Variants in PRKCB observed in about 807,000 individuals in gnomAD.
PRKCB encodes the protein protein kinase C beta.
In PRKCB, 13 loss-of-function variants were observed where a neutral mutation model predicts 81.5. That is an observed-to-expected ratio of 0.16 (90% CI 0.10 to 0.25). The LOEUF (loss-of-function observed/expected upper bound fraction) is 0.25, where lower values mean the gene tolerates loss of function less well. PRKCB is among the 10% of genes least tolerant of loss of function. PRKCB has a pLI of 1.00. For missense variants in PRKCB, 509 were observed against 875.7 expected (o/e 0.58, Z 5.29); for synonymous variants, 335 against 321.4 (o/e 1.04, Z -0.45).
At chr16:23,946,952 CTTAAGCGA>C (rs1295978012) in intron 2 of PRKCB, among the ~76,000 whole-genome samples, 1 of 151,872 alleles carries the variant, frequency 6.6e-6, no homozygotes, top group Non-Finnish European at 1.5e-5. Context: ...ACCTTCTAGG[CTTAAGCGA>C]TTCTCTTGCC....
chr16:24,207,540 T>C (rs1374632511), intron 16 of PRKCB, among the ~76,000 whole-genome samples: 2 of 152,256 alleles, frequency 1.3e-5, no homozygotes, highest in Admixed American at 6.5e-5. Context: ...CTGTTAGTAA[T>C]TATATAACTA....
chr16:23,875,348 C>G (rs1190989347), intron 2 of PRKCB, among the ~76,000 whole-genome samples: 1 of 151,804 alleles, frequency 6.6e-6, no homozygotes, highest in Non-Finnish European at 1.5e-5. Context: ...CTCTCTGTGT[C>G]TTATGATAAA....
At chr16:23,905,967 G>A (rs1052529222) in intron 2 of PRKCB, among the ~76,000 whole-genome samples, 8 of 152,120 alleles carry the variant, frequency 5.3e-5, no homozygotes, top group Non-Finnish European at 1.2e-4. Flanking sequence ...CCTGATGATC[G>A]ACATTGGTGC....
intron 2 of PRKCB, among the ~76,000 whole-genome samples, chr16:23,904,264 T>C (rs1204396476): frequency 6.6e-6 from 1 of 152,178 alleles, no homozygotes; most frequent in Non-Finnish European, 1.5e-5. Context: ...CTGCTAATTG[T>C]CAAGCCACTC....
Position 24,165,883 on chromosome 16 carries a change from CTTTTTTT to C in PRKCB, c.1240-6370_1240-6364del, listed in dbSNP as rs71154285. 3.6e-3 allele frequency among the ~76,000 whole-genome samples: 338 copies of C among 94,006 alleles called. 2 individuals carry two copies. The highest frequency in any genetic ancestry group is 5.3e-3 in the Non-Finnish European group (246 of 46,348). 61.7% of individuals were successfully genotyped at this position (94,006 alleles called of 152,430 possible). On this transcript the variant is annotated intron_variant, in intron 10 of 16. Coordinates refer to ENST00000643927, the MANE Select transcript of PRKCB (RefSeq NM_002738.7). ...AAAGATTTTTTTCTTTTCTTTCTTT[CTTTTTTT>C]TTTTTTTTTTTTTTTTGACACAGGG... is the stretch of plus-strand genomic sequence containing the variant.
At chr16:24,139,821 G>C (rs572445552) in intron 9 of PRKCB, among the ~76,000 whole-genome samples, 1 of 152,172 alleles carries the variant, frequency 6.6e-6, no homozygotes, top group Non-Finnish European at 1.5e-5. Flanking sequence ...TGTATCATCC[G>C]AGTTGATCTA....
intron 2 of PRKCB, among the ~76,000 whole-genome samples, chr16:23,865,092 G>A (rs955190461): frequency 6.6e-6 from 1 of 152,206 alleles, no homozygotes; most frequent in Middle Eastern, 3.4e-3. Context: ...AAATGACCAA[G>A]CTGACATTAT....
intron 2 of PRKCB, among the ~76,000 whole-genome samples, chr16:23,861,398 C>T (rs1962661639): frequency 6.6e-6 from 1 of 152,102 alleles, no homozygotes; most frequent in East Asian, 1.9e-4. Flanking sequence ...TGAATTTGGG[C>T]TCAAGCAATC....
Position 24,218,006 on chromosome 16 carries a change from G to A in PRKCB, c.*3190G>A, listed in dbSNP as rs1238256455. ...ATTATAAGTTGCAAAAAGGATAGAGGCATATCCCAAGTCTTCCTTCATTCC... is the reference window on the plus strand; with the variant it reads ...ATTATAAGTTGCAAAAAGGATAGAGACATATCCCAAGTCTTCCTTCATTCC... On this transcript the variant is annotated 3_prime_UTR_variant, in exon 17 of 17. Coordinates refer to ENST00000643927, the MANE Select transcript of PRKCB (RefSeq NM_002738.7). The A allele has an allele frequency of 1.3e-5, 13 of 985,198 alleles. No individual in the cohort carries two copies. Among genetic ancestry groups the A allele is most frequent in the Non-Finnish European group, 1.4e-5 (12 of 829,932 alleles). The allele number at this position is 985,198 out of a possible 1,614,324, so 61.0% of individuals were successfully genotyped here.
chr16:23,933,957 A>G (rs1256417132), intron 2 of PRKCB, among the ~76,000 whole-genome samples: 1 of 86,408 alleles, frequency 1.2e-5, no homozygotes, highest in Admixed American at 1.4e-4. Flanking sequence ...CCATCCACCT[A>G]CCTCATCCAT....
At chr16:24,001,478 T>G (rs1040396693) in intron 3 of PRKCB, among the ~76,000 whole-genome samples, 2 of 152,166 alleles carry the variant, frequency 1.3e-5, no homozygotes, top group Non-Finnish European at 2.9e-5. Flanking sequence ...GAAGATTTGA[T>G]AAAACAGAAA....
intron 2 of PRKCB, among the ~76,000 whole-genome samples, chr16:23,838,707 C>T (rs1406150671): frequency 1.3e-5 from 2 of 152,170 alleles, no homozygotes; most frequent in East Asian, 1.9e-4. Flanking sequence ...TAGGTGGCAT[C>T]GTCAGTGGTG....
At chr16:23,958,725 T>TTCC (rs1964384209) in intron 2 of PRKCB, among the ~76,000 whole-genome samples, 2 of 151,844 alleles carry the variant, frequency 1.3e-5, no homozygotes, top group East Asian at 3.9e-4. Flanking sequence ...TCTCCTCTTA[T>TTCC]TCCTCCTCCT....
chr16:24,180,691 C>A, intron 12 of PRKCB, 99 bp from the exon 13 acceptor site: 1 of 1,424,870 alleles, frequency 7.0e-7, no homozygotes, highest in Non-Finnish European at 9.7e-7. Context: ...TGTGCCCACA[C>A]AACACCTAAC....
At chr16:24,010,662 G>T (rs995510373) in intron 3 of PRKCB, among the ~76,000 whole-genome samples, 12 of 152,134 alleles carry the variant, frequency 7.9e-5, no homozygotes, top group African/African-American at 2.9e-4. Flanking sequence ...GCCCCCTGCT[G>T]TCCTTTAGCA....
intron 2 of PRKCB, among the ~76,000 whole-genome samples, chr16:23,986,391 T>C (rs1964804569): frequency 6.6e-6 from 1 of 152,108 alleles, no homozygotes; most frequent in South Asian, 2.1e-4. Context: ...GTAGCTGGAC[T>C]GCAGGCATGC....
At chr16:24,042,977 TC>T (rs1379138097) in intron 5 of PRKCB, among the ~76,000 whole-genome samples, 1 of 152,160 alleles carries the variant, frequency 6.6e-6, no homozygotes, top group Admixed American at 6.5e-5. Flanking sequence ...GTTCAAGCAA[TC>T]CTCCCACTTT....
At chr16:24,181,369 T>C (rs1350207515) in intron 13 of PRKCB, among the ~76,000 whole-genome samples, 1 of 152,158 alleles carries the variant, frequency 6.6e-6, no homozygotes. Context: ...ATTTATAGCA[T>C]GAAATACTAC....
intron 7 of PRKCB, among the ~76,000 whole-genome samples, chr16:24,096,666 A>AAAAAAAAAAAAAAATATAT (rs1406204037): frequency 9.2e-5 from 3 of 32,706 alleles, no homozygotes; most frequent in South Asian, 1.5e-3. Context: ...AAAAAAAAAA[A>AAAAAAAAAAAAAAATATAT]ATATATATAT....
Sources: allele counts gnomAD v4.1 joint callset (sites outside exome capture counted in the v4.1 genomes callset), GRCh38; gene constraint gnomAD v4.1.1; transcripts MANE v1.5; gene names NCBI Gene and HGNC (gene_info 2026-07-23, HGNC 2026-07-21).